Variants in ROR1 observed in about 807,000 individuals in gnomAD.
ROR1 encodes the protein ROR family WNT receptor 1.
In ROR1, 19 loss-of-function variants were observed where a neutral mutation model predicts 78.8. The observed-to-expected ratio is 0.24, with a 90% CI of 0.17 to 0.35. The LOEUF (loss-of-function observed/expected upper bound fraction) is 0.35. ROR1 is among the 10% of genes least tolerant of loss of function. ROR1 has a pLI of 1.00. For missense variants in ROR1, 917 were observed against 1,177.8 expected (o/e 0.78, Z 3.24); for synonymous variants, 386 against 433.6 (o/e 0.89, Z 1.36).
chr1:63,943,114 A>G (rs1335254033), intron 1 of ROR1, among the ~76,000 whole-genome samples: 1 of 150,740 alleles, frequency 6.6e-6, no homozygotes, highest in East Asian at 1.9e-4. Flanking sequence ...AAAAAAAAAA[A>G]AAAGATTAAG....
chr1:64,096,270 T>A (rs764828769), intron 4 of ROR1, among the ~76,000 whole-genome samples: 1 of 152,080 alleles, frequency 6.6e-6, no homozygotes, highest in Non-Finnish European at 1.5e-5. Flanking sequence ...TTGTGCAGGA[T>A]GTGCAGGGTT....
intron 8 of ROR1, among the ~76,000 whole-genome samples, chr1:64,177,052 A>G (rs1489324822): frequency 6.6e-6 from 1 of 152,188 alleles, no homozygotes; most frequent in African/African-American, 2.4e-5. Flanking sequence ...TCTTCACAGA[A>G]ACCACTGGGG....
intron 2 of ROR1, among the ~76,000 whole-genome samples, chr1:64,033,001 G>A (rs942059126): frequency 2.0e-5 from 3 of 152,162 alleles, no homozygotes; most frequent in African/African-American, 7.2e-5. Flanking sequence ...GTGGGCACGA[G>A]GTTTCAGTTT....
intron 1 of ROR1, among the ~76,000 whole-genome samples, chr1:63,940,498 C>CAGATAGATAGATAGATAGAT (rs71584420): frequency 9.4e-4 from 71 of 75,214 alleles, no homozygotes; most frequent in African/African-American, 1.3e-3. Flanking sequence ...GATAGACAGA[C>CAGATAGATAGATAGATAGAT]AGATAGATAG....
chr1:63,775,025 C>T (rs1569680630), intron 1 of ROR1, among the ~76,000 whole-genome samples: 2 of 152,052 alleles, frequency 1.3e-5, no homozygotes, highest in East Asian at 2.0e-4. Context: ...GGGGCTCCGG[C>T]GGCCTCGCAT....
chr1:64,086,755 T>G (rs1647158602), intron 4 of ROR1, among the ~76,000 whole-genome samples: 1 of 152,214 alleles, frequency 6.6e-6, no homozygotes, highest in African/African-American at 2.4e-5. Flanking sequence ...ACATCTTTAT[T>G]ACTGTGATCT....
intron 1 of ROR1, among the ~76,000 whole-genome samples, chr1:63,850,977 C>T (rs1645110580): frequency 6.6e-6 from 1 of 151,388 alleles, no homozygotes; most frequent in Non-Finnish European, 1.5e-5. Flanking sequence ...GTTTTGTTTG[C>T]TTTTTGTTTG....
intron 2 of ROR1, among the ~76,000 whole-genome samples, chr1:64,026,730 C>T (rs111916397): frequency 0.038 from 5,757 of 152,012 alleles, 130 homozygotes; most frequent in African/African-American, 0.057. Context: ...AGTGTGTGAA[C>T]GGGAAACTGT....
intron 2 of ROR1, among the ~76,000 whole-genome samples, chr1:64,026,440 T>C (rs1646610124): frequency 6.6e-6 from 1 of 152,248 alleles, no homozygotes; most frequent in African/African-American, 2.4e-5. Flanking sequence ...TTAGACTTGA[T>C]TATGACTCAA....
chr1:63,807,286 G>A (rs1233885682), intron 1 of ROR1, among the ~76,000 whole-genome samples: 1 of 152,192 alleles, frequency 6.6e-6, no homozygotes, highest in African/African-American at 2.4e-5. Flanking sequence ...GGGGTGGCTG[G>A]TTTGTGTTTG....
chr1:63,980,378 T>C (rs1447904825), intron 1 of ROR1, among the ~76,000 whole-genome samples: 1 of 152,084 alleles, frequency 6.6e-6, no homozygotes, highest in East Asian at 1.9e-4. Flanking sequence ...CTCATTGAGA[T>C]ATTTGATCCA....
At chr1:63,815,473 C>CTTTTTTTTTTTTTTTTTT (rs1557510128) in intron 1 of ROR1, among the ~76,000 whole-genome samples, 3 of 96,164 alleles carry the variant, frequency 3.1e-5, no homozygotes, top group African/African-American at 2.3e-4. Context: ...CTTTTCTTTT[C>CTTTTTTTTTTTTTTTTTT]TTTTCTTTTT....
intron 1 of ROR1, among the ~76,000 whole-genome samples, chr1:63,957,670 A>G (rs187164829): frequency 2.0e-5 from 3 of 152,020 alleles, no homozygotes; most frequent in East Asian, 1.9e-4. Context: ...CCATTCATTC[A>G]TCTAACGTTT....
rs34933492 is a variant in ROR1 at position 63,786,256 on chromosome 1, ATTTTTTTTTTTTTTTTTTT to A, written c.91+11764_91+11782del. Among the ~76,000 whole-genome samples, 212 of 67,522 alleles carry A rather than the reference ATTTTTTTTTTTTTTTTTTT, an allele frequency of 3.1e-3. 2 individuals are homozygous for A. The highest frequency in any genetic ancestry group is 9.9e-3 in the African/African-American group (198 of 20,088). The allele number at this position is 67,522 out of a possible 152,430, so 44.3% of individuals were successfully genotyped here. The stretch of plus-strand genomic sequence containing the variant: ...CCCCCCTTACGCTGGCTACAACTTG[ATTTTTTTTTTTTTTTTTTT>A]TTTTTTTTTTTTTTTGAGACAGAGT... On this transcript the variant is annotated intron_variant, in intron 1 of 8. Transcript: ENST00000371079.
chr1:63,897,788 A>C lies in ROR1; in HGVS notation c.92-111517A>C, dbSNP rs531043308. On this transcript the variant is annotated intron_variant, in intron 1 of 8. Coordinates refer to ENST00000371079, the MANE Select transcript of ROR1 (RefSeq NM_005012.4). ...GTTAATACTAGCTGTCATAACTGAT[A>C]ATCCTTGGTAACTCAAACTCAGCTT... Among the ~76,000 whole-genome samples the C allele has an allele frequency of 3.3e-5, 5 of 152,362 alleles. No homozygotes were observed. In the South Asian group the frequency reaches 1.0e-3, roughly 32 times the overall value.
intron 1 of ROR1, among the ~76,000 whole-genome samples, chr1:63,974,630 CT>C (rs1240681521): frequency 2.0e-5 from 3 of 151,394 alleles, no homozygotes; most frequent in African/African-American, 4.9e-5. Flanking sequence ...AATGTAAACC[CT>C]TTTTTTTCTT....
At chr1:63,782,547 TTTTTTTTTTG>T (rs1472689723) in intron 1 of ROR1, among the ~76,000 whole-genome samples, 5 of 131,252 alleles carry the variant, frequency 3.8e-5, no homozygotes, top group Non-Finnish European at 6.2e-5. Context: ...TTTTGAGGTT[TTTTTTTTTTG>T]TTTTTTTTTT....
intron 1 of ROR1, among the ~76,000 whole-genome samples, chr1:63,947,948 G>A (rs1045873163): frequency 6.6e-6 from 1 of 152,110 alleles, no homozygotes; most frequent in African/African-American, 2.4e-5. Context: ...CATTATGAGT[G>A]TTTATAATAT....
chr1:64,128,387 T>G (rs1648792878), intron 4 of ROR1, among the ~76,000 whole-genome samples: 2 of 152,046 alleles, frequency 1.3e-5, no homozygotes, highest in South Asian at 4.2e-4. Flanking sequence ...GAGAATCACT[T>G]AAGCCTGGAA....
Sources: allele counts gnomAD v4.1 joint callset (sites outside exome capture counted in the v4.1 genomes callset), GRCh38; gene constraint gnomAD v4.1.1; transcripts MANE v1.5; gene names NCBI Gene and HGNC (gene_info 2026-07-23, HGNC 2026-07-21).